EYS: variants seen among roughly 807,000 people sequenced by gnomAD.
EYS encodes protein eyes shut homolog.
A neutral mutation model predicts 282.1 loss-of-function variants in EYS; 250 were observed. The observed-to-expected ratio is 0.89, with a 90% CI of 0.80 to 0.98. The LOEUF is 0.98. Ranked by LOEUF, EYS falls within the 50% of genes least tolerant of loss-of-function variation. The pLI is 0.00. For missense variants in EYS, 4,016 were observed against 3,709.0 expected (o/e 1.08, Z -2.15); for synonymous variants, 1,355 against 1,282.9 (o/e 1.06, Z -1.20).
At chr6:65,127,088 A>C (rs1775740646) in intron 12 of EYS, among the ~76,000 whole-genome samples, 1 of 152,142 alleles carries the variant, frequency 6.6e-6, no homozygotes, top group Non-Finnish European at 1.5e-5. Flanking sequence ...TCTTCTTTAT[A>C]TCAGCAATCC....
At chr6:65,486,791 T>G (rs1361316583) in intron 5 of EYS, among the ~76,000 whole-genome samples, 1 of 152,232 alleles carries the variant, frequency 6.6e-6, no homozygotes, top group Non-Finnish European at 1.5e-5. Context: ...AATCATTTAC[T>G]TCATGAATAT....
In EYS at chr6:64,871,197, A is replaced by G. The variant is rs988961538; in HGVS notation, c.2992+15500T>C. 2.6e-5 allele frequency among the ~76,000 whole-genome samples: 4 copies of G among 151,924 alleles called. No individual in the cohort carries two copies. The East Asian group carries it at 5.8e-4, about 22-fold the overall frequency. ...TAGACATCTAATAAATATCTTTTAC[A>G]TAATATTATTTGCATAACATGCCAT... On this transcript the variant is annotated intron_variant, in intron 19 of 42. Coordinates refer to ENST00000503581, the MANE Select transcript of EYS (RefSeq NM_001142800.2).
At chr6:64,745,704 T>C (rs756184567) in intron 22 of EYS, among the ~76,000 whole-genome samples, 25 of 152,158 alleles carry the variant, frequency 1.6e-4, no homozygotes, top group Non-Finnish European at 3.1e-4. Flanking sequence ...TACCCCTATG[T>C]CCAAAAATCC....
At chr6:64,587,679 T>C (rs2149829018) in intron 26 of EYS, among the ~76,000 whole-genome samples, 1 of 152,014 alleles carries the variant, frequency 6.6e-6, no homozygotes, top group South Asian at 2.1e-4. Context: ...CTGGCTATCA[T>C]TTTAGGTATC....
chr6:64,242,131 G>A (rs13191836), intron 30 of EYS, among the ~76,000 whole-genome samples: 2 of 151,942 alleles, frequency 1.3e-5, no homozygotes, highest in Non-Finnish European at 2.9e-5. Flanking sequence ...TGAGAAGAAT[G>A]TATGTTCTGT....
intron 28 of EYS, among the ~76,000 whole-genome samples, chr6:64,394,465 G>A (rs573981878): frequency 1.3e-4 from 20 of 152,250 alleles, no homozygotes; most frequent in African/African-American, 3.1e-4. Flanking sequence ...AGAGCCCTCC[G>A]AAATAACGCC....
chr6:65,622,919 G>A lies in EYS; in HGVS notation c.-333+16859C>T, dbSNP rs547221512. On this transcript the variant is annotated intron_variant, in intron 2 of 42. Coordinates refer to ENST00000503581, the MANE Select transcript of EYS (RefSeq NM_001142800.2). ...ACTATAAGCATGCACAACACCACCC[G>A]ACTAATTTTCAAATTATTCGTACAG... is the stretch of plus-strand genomic sequence containing the variant. 4.0e-4 allele frequency among the ~76,000 whole-genome samples: 61 copies of A among 151,882 alleles called. 1 individual carries two copies. Among genetic ancestry groups the A allele is most frequent in the African/African-American group, 1.2e-3 (49 of 41,428 alleles).
At chr6:65,591,711 G>A (rs1448787983) in intron 2 of EYS, among the ~76,000 whole-genome samples, 1 of 151,800 alleles carries the variant, frequency 6.6e-6, no homozygotes, top group Non-Finnish European at 1.5e-5. Context: ...ATTTTTGCCT[G>A]GTTATGTACT....
chr6:65,113,756 C>A (rs1775288640), intron 12 of EYS, among the ~76,000 whole-genome samples: 1 of 151,910 alleles, frequency 6.6e-6, no homozygotes, highest in Non-Finnish European at 1.5e-5. Flanking sequence ...TTTTGTTTCA[C>A]TTTTTCCTAT....
At chr6:65,482,507 T>C (rs1765644987) in intron 5 of EYS, among the ~76,000 whole-genome samples, 1 of 152,200 alleles carries the variant, frequency 6.6e-6, no homozygotes, top group Non-Finnish European at 1.5e-5. Context: ...AGTTCAATTA[T>C]TAAAAATGAA....
chr6:64,314,024 C>A (rs1429180085), intron 29 of EYS, among the ~76,000 whole-genome samples: 1 of 151,880 alleles, frequency 6.6e-6, no homozygotes, highest in East Asian at 1.9e-4. Context: ...ACAACACTAA[C>A]CTTAAATGTA....
intron 13 of EYS, among the ~76,000 whole-genome samples, chr6:65,051,447 T>G (rs1188415084): frequency 6.6e-6 from 1 of 151,568 alleles, no homozygotes; most frequent in Admixed American, 6.6e-5. Flanking sequence ...ATTAAAAATG[T>G]ATATATGTAG....
At chr6:65,540,846 C>A (rs1161266059) in intron 2 of EYS, among the ~76,000 whole-genome samples, 1 of 152,070 alleles carries the variant, frequency 6.6e-6, no homozygotes, top group Admixed American at 6.6e-5. Flanking sequence ...TCGCTTGAAT[C>A]CGGGAAGCGG....
chr6:64,533,548 T>C (rs1224331213), intron 26 of EYS, among the ~76,000 whole-genome samples: 1 of 152,048 alleles, frequency 6.6e-6, no homozygotes, highest in African/African-American at 2.4e-5. Flanking sequence ...ACGAAATCTT[T>C]AAAATGCTGG....
chr6:64,575,547 G>A lies in EYS; in HGVS notation c.5644+14676C>T, dbSNP rs369103740. On this transcript the variant is annotated intron_variant, in intron 26 of 42. Transcript: ENST00000503581. The stretch of plus-strand genomic sequence containing the variant: ...CAGCGAGCTAGTGAAACATTAAAAC[G>A]TATAAATAGCAATTAATAAGATCTA... 3.3e-5 allele frequency among the ~76,000 whole-genome samples: 5 copies of A among 152,050 alleles called. No homozygotes were observed. In the East Asian group the frequency reaches 5.8e-4, roughly 18 times the overall value.
At chr6:65,328,728 G>A (rs1769693782) in intron 11 of EYS, among the ~76,000 whole-genome samples, 1 of 149,504 alleles carries the variant, frequency 6.7e-6, no homozygotes, top group African/African-American at 2.4e-5. Context: ...ATGATCTGAT[G>A]TGAAAATATT....
intron 12 of EYS, among the ~76,000 whole-genome samples, chr6:65,227,473 A>G (rs1766657763): frequency 6.6e-6 from 1 of 152,166 alleles, no homozygotes; most frequent in East Asian, 1.9e-4. Context: ...ATAAAACGAT[A>G]AAGCCACTGT....
At chr6:64,355,821 A>C (rs780860294) in intron 29 of EYS, among the ~76,000 whole-genome samples, 2 of 151,670 alleles carry the variant, frequency 1.3e-5, no homozygotes, top group African/African-American at 2.4e-5. Context: ...ATAATTAGCA[A>C]GTGGCAAGTG....
chr6:64,213,801 G>A (rs1028248737), intron 31 of EYS, among the ~76,000 whole-genome samples: 4 of 151,988 alleles, frequency 2.6e-5, no homozygotes, highest in Non-Finnish European at 2.9e-5. Context: ...TTTATAATGC[G>A]AATGGGTTTA....
Sources: allele counts gnomAD v4.1 joint callset (sites outside exome capture counted in the v4.1 genomes callset), GRCh38; gene constraint gnomAD v4.1.1; transcripts MANE v1.5; gene names NCBI Gene and HGNC (gene_info 2026-07-23, HGNC 2026-07-21).